GRID2: variants seen among roughly 807,000 people sequenced by gnomAD.
The protein encoded by GRID2 is glutamate receptor ionotropic, delta-2.
GRID2 carries 33 observed loss-of-function variants against 114.8 expected under a neutral mutation model. The ratio of observed to expected loss-of-function variants is 0.29; its 90% CI spans 0.22 to 0.38. The LOEUF (loss-of-function observed/expected upper bound fraction) is 0.38. Among genes scored for constraint, GRID2 ranks in the 10% least tolerant of loss-of-function variants. The pLI, the probability that GRID2 is intolerant of heterozygous loss-of-function variation, is 1.00. For missense variants in GRID2, 1,184 were observed against 1,257.7 expected (o/e 0.94, Z 0.89); for synonymous variants, 505 against 449.9 (o/e 1.12, Z -1.55).
chr4:93,118,151 C>T (rs560162909), intron 4 of GRID2, among the ~76,000 whole-genome samples: 80 of 152,284 alleles, frequency 5.3e-4, no homozygotes, highest in Non-Finnish European at 9.6e-4. Context: ...GCTTCTGCCA[C>T]CCTGCTTCAC....
chr4:92,875,460 G>A (rs997785293), intron 2 of GRID2, among the ~76,000 whole-genome samples: 7 of 152,074 alleles, frequency 4.6e-5, no homozygotes, highest in East Asian at 1.9e-4. Flanking sequence ...CACGTCGCCC[G>A]GCCAAAAGTA....
intron 15 of GRID2, 25 bp downstream of exon 15, chr4:93,769,475 T>C (rs903234208): frequency 3.7e-6 from 6 of 1,611,118 alleles, no homozygotes; most frequent in Admixed American, 1.7e-5. Context: ...GATTTGGCTC[T>C]AAATTGAATC....
chr4:92,518,615 A>G (rs908591357), intron 1 of GRID2, among the ~76,000 whole-genome samples: 7 of 151,486 alleles, frequency 4.6e-5, no homozygotes, highest in Non-Finnish European at 1.0e-4. Context: ...AAAGTTCTGG[A>G]AATTTTTTTT....
Position 92,661,284 on chromosome 4 carries a change from C to T in GRID2, c.244+70998C>T, listed in dbSNP as rs1732501761. ...ATCTAATTATAATTATGACAAATAACATTAAAAAGTCACCCTGTTTAAAAG... is the reference window on the plus strand; with the variant it reads ...ATCTAATTATAATTATGACAAATAATATTAAAAAGTCACCCTGTTTAAAAG... On this transcript the variant is annotated intron_variant, in intron 2 of 15. Transcript: ENST00000282020. Among the ~76,000 whole-genome samples, 3 of 150,790 alleles carry T rather than the reference C, an allele frequency of 2.0e-5. No individual in the cohort carries two copies. In the Admixed American group the frequency reaches 2.0e-4, roughly 10 times the overall value.
chr4:92,687,693 G>A (rs1467897464), intron 2 of GRID2, among the ~76,000 whole-genome samples: 1 of 152,048 alleles, frequency 6.6e-6, no homozygotes, highest in Admixed American at 6.6e-5. Context: ...GCTGGGCGTT[G>A]TGGCCCGCGC....
At chr4:92,425,808 A>G (rs1732133247) in intron 1 of GRID2, among the ~76,000 whole-genome samples, 2 of 152,148 alleles carry the variant, frequency 1.3e-5, no homozygotes, top group African/African-American at 4.8e-5. Context: ...TTTATGAAAG[A>G]GATGAAAAAT....
chr4:92,546,031 T>A (rs1470640115), intron 1 of GRID2, among the ~76,000 whole-genome samples: 1 of 152,194 alleles, frequency 6.6e-6, no homozygotes. Flanking sequence ...TTACTTTTTG[T>A]TGTTGTTAGT....
chr4:92,455,302 C>T (rs1165166404), intron 1 of GRID2, among the ~76,000 whole-genome samples: 1 of 152,144 alleles, frequency 6.6e-6, no homozygotes, highest in Non-Finnish European at 1.5e-5. Flanking sequence ...ACAACAGAGA[C>T]ATTTCCGTGT....
intron 2 of GRID2, among the ~76,000 whole-genome samples, chr4:92,621,238 C>G (rs1237586366): frequency 6.6e-6 from 1 of 151,574 alleles, no homozygotes; most frequent in Admixed American, 6.6e-5. Context: ...GAATATAGGT[C>G]TCAGGACACA....
intron 2 of GRID2, among the ~76,000 whole-genome samples, chr4:92,764,708 G>A (rs1039665510): frequency 6.6e-6 from 1 of 152,124 alleles, no homozygotes; most frequent in African/African-American, 2.4e-5. Context: ...TAAAAGACAT[G>A]AGCAGGATCC....
At chr4:92,943,672 C>T (rs979737901) in intron 2 of GRID2, among the ~76,000 whole-genome samples, 1 of 152,120 alleles carries the variant, frequency 6.6e-6, no homozygotes, top group Non-Finnish European at 1.5e-5. Flanking sequence ...TCAGAGTTTC[C>T]AGTTTTTCTG....
intron 1 of GRID2, among the ~76,000 whole-genome samples, chr4:92,490,901 G>A: frequency 6.6e-6 from 1 of 151,856 alleles, no homozygotes; most frequent in East Asian, 1.9e-4. Flanking sequence ...TGTTCACATT[G>A]AGAAATCCAT....
At chr4:92,506,211 A>T (rs578212995) in intron 1 of GRID2, among the ~76,000 whole-genome samples, 2 of 152,076 alleles carry the variant, frequency 1.3e-5, no homozygotes, top group Middle Eastern at 3.4e-3. Context: ...AGGAAAATCA[A>T]CTGTAGGCAA....
At chr4:92,949,120 T>C (rs1751849107) in intron 2 of GRID2, among the ~76,000 whole-genome samples, 1 of 150,232 alleles carries the variant, frequency 6.7e-6, no homozygotes. Flanking sequence ...GTTATACAAT[T>C]AGACAAAGAA....
chr4:92,318,356 G>C (rs1189631629), intron 1 of GRID2, among the ~76,000 whole-genome samples: 1 of 118,296 alleles, frequency 8.5e-6, no homozygotes, highest in African/African-American at 3.3e-5. Flanking sequence ...TTGTTACTCT[G>C]CTCACAGAGA....
intron 2 of GRID2, among the ~76,000 whole-genome samples, chr4:92,992,099 TAGA>T (rs1754940642): frequency 6.6e-6 from 1 of 152,122 alleles, no homozygotes; most frequent in Admixed American, 6.6e-5. Context: ...TTGCATCAGG[TAGA>T]AGAAGGCAAA....
At chr4:92,897,732 C>T (rs1747276134) in intron 2 of GRID2, among the ~76,000 whole-genome samples, 1 of 151,976 alleles carries the variant, frequency 6.6e-6, no homozygotes. Context: ...ATTGCTGGAA[C>T]ACAACGAAAA....
chr4:93,162,159 A>G (rs1335044403), intron 4 of GRID2, among the ~76,000 whole-genome samples: 1 of 151,842 alleles, frequency 6.6e-6, no homozygotes, highest in Non-Finnish European at 1.5e-5. Flanking sequence ...TGAATTTTAG[A>G]AATTTGATCT....
At chr4:93,369,569 G>C (rs753319556) in intron 8 of GRID2, among the ~76,000 whole-genome samples, 3 of 152,082 alleles carry the variant, frequency 2.0e-5, no homozygotes, top group Non-Finnish European at 2.9e-5. Context: ...GCTCACTGCA[G>C]CATCACACTC....
Sources: gnomAD v4.1 joint callset for allele counts (sites outside exome capture counted in the v4.1 genomes callset) on GRCh38, gnomAD v4.1.1 for gene constraint, MANE v1.5 for transcripts, NCBI Gene and HGNC (gene_info 2026-07-23, HGNC 2026-07-21) for gene names.